RUNX2: variants seen among roughly 807,000 people sequenced by gnomAD.
RUNX2 encodes runt-related transcription factor 2.
In RUNX2, 10 loss-of-function variants were observed where a neutral mutation model predicts 51.7. The ratio of observed to expected loss-of-function variants is 0.19; its 90% confidence interval spans 0.12 to 0.33. RUNX2 has a LOEUF of 0.33. Among genes scored for constraint, RUNX2 ranks in the 10% least tolerant of loss-of-function variants. RUNX2 has a pLI of 1.00. For synonymous variants in RUNX2, 276 were observed against 273.6 expected, an observed-to-expected ratio of 1.01 and a Z score of -0.09; for missense variants, 562 against 691.3, an observed-to-expected ratio of 0.81 and a Z score of 2.10.
chr6:45,431,901 T>C lies in RUNX2; in HGVS notation c.462T>C (p.Val154=). Reference sequence around the variant, plus strand: ...GAGAGGTACCAGATGGGACTGTGGTTACTGTCATGGCGGGTAACGATGAAA... The same window carrying C: ...GAGAGGTACCAGATGGGACTGTGGTCACTGTCATGGCGGGTAACGATGAAA... The part of the protein sequence containing the change: ...ALGEVPDGTV[V]TVMAGNDENY... Residue 154 remains valine, a synonymous_variant, in exon 4 of 9, where the codon GTT becomes GTC. Coordinates refer to ENST00000647337, the MANE Select transcript of RUNX2 (RefSeq NM_001024630.4). The C allele has an allele frequency of 6.2e-7, 1 of 1,614,184 alleles. No individual in the cohort carries two copies. Among genetic ancestry groups the C allele is most frequent in the Non-Finnish European group, 8.5e-7 (1 of 1,180,010 alleles).
intron 6 of RUNX2, among the ~76,000 whole-genome samples, chr6:45,507,102 C>T (rs1369288254): frequency 6.6e-6 from 1 of 151,868 alleles, no homozygotes; most frequent in African/African-American, 2.4e-5. Context: ...ACCTTAAGGC[C>T]ATGATTAAAA....
intron 5 of RUNX2, among the ~76,000 whole-genome samples, chr6:45,468,132 C>G (rs1329850928): frequency 2.0e-5 from 3 of 152,208 alleles, no homozygotes; most frequent in African/African-American, 7.2e-5. Flanking sequence ...CAACTGCAGT[C>G]ACTTTCTTAC....
intron 6 of RUNX2, among the ~76,000 whole-genome samples, chr6:45,498,583 G>A (rs564348059): frequency 6.6e-6 from 1 of 152,290 alleles, no homozygotes; most frequent in South Asian, 2.1e-4. Flanking sequence ...TTAAATTCCA[G>A]TTATATAAGG....
Position 45,548,903 on chromosome 6 carries a change from G to A in RUNX2, c.*1598G>A. The A allele has an allele frequency of 2.7e-6, 1 of 374,762 alleles. No homozygotes were observed. The highest frequency in any genetic ancestry group is 3.8e-5 in the East Asian group (1 of 26,062). The allele number at this position is 374,762 out of a possible 1,614,324, so 23.2% of individuals were successfully genotyped here. A position where few individuals can be genotyped will look rare whatever the true frequency, so the allele number is the denominator to read the frequency against. ...TTTAGAGGAGCAGAATGACATCACT[G>A]TCCTTTGGGAGTAGGTCCTCTGAAA... On this transcript the variant is annotated 3_prime_UTR_variant, in exon 9 of 9. Transcript: ENST00000647337.
intron 3 of RUNX2, 23 bp downstream of exon 3, chr6:45,422,980 G>A: frequency 6.2e-7 from 1 of 1,603,222 alleles, no homozygotes; most frequent in Non-Finnish European, 8.5e-7. Flanking sequence ...ACCGCCCCCC[G>A]CCCCCGGCCG....
chr6:45,369,937 C>T (rs1288984889), intron 2 of RUNX2, among the ~76,000 whole-genome samples: 1 of 152,094 alleles, frequency 6.6e-6, no homozygotes, highest in Non-Finnish European at 1.5e-5. Flanking sequence ...ATCCTGTGGC[C>T]AGTGTGGCTA....
At chr6:45,402,776 G>A (rs978886812) in intron 2 of RUNX2, among the ~76,000 whole-genome samples, 3 of 152,122 alleles carry the variant, frequency 2.0e-5, no homozygotes, top group Admixed American at 2.0e-4. Context: ...GGAGGCTGAG[G>A]TAGGAGGATT....
chr6:45,383,155 C>T (rs924401146), intron 2 of RUNX2, among the ~76,000 whole-genome samples: 1 of 152,098 alleles, frequency 6.6e-6, no homozygotes, highest in Non-Finnish European at 1.5e-5. Context: ...AAGTTCTGGG[C>T]CGGGCACGGT....
intron 2 of RUNX2, among the ~76,000 whole-genome samples, chr6:45,376,570 C>T (rs1236611858): frequency 6.6e-6 from 1 of 152,230 alleles, no homozygotes; most frequent in Non-Finnish European, 1.5e-5. Flanking sequence ...AAGGCAGAAA[C>T]TGCTAGTGAA....
At chr6:45,361,108 A>G (rs1474393282) in intron 2 of RUNX2, among the ~76,000 whole-genome samples, 1 of 152,214 alleles carries the variant, frequency 6.6e-6, no homozygotes, top group African/African-American at 2.4e-5. Context: ...CATCTCAAAA[A>G]TACAAAGGTA....
Position 45,418,294 on chromosome 6 carries a change from T to C in RUNX2, c.59-4299T>C, listed in dbSNP as rs1411297025. Among the ~76,000 whole-genome samples the C allele has an allele frequency of 2.0e-5, 3 of 152,240 alleles. No individual in the cohort carries two copies. In the East Asian group the frequency reaches 5.8e-4, roughly 29 times the overall value. ...AACCTGACTGCTTCACATCTCATTT[T>C]CTTTGTCTAGAAAGTCAGAATTGTC... On this transcript the variant is annotated intron_variant, in intron 2 of 8. Coordinates refer to ENST00000647337, the MANE Select transcript of RUNX2 (RefSeq NM_001024630.4).
chr6:45,398,191 G>A (rs11963804), intron 2 of RUNX2, among the ~76,000 whole-genome samples: 11,271 of 152,252 alleles, frequency 0.074, 577 homozygotes, highest in South Asian at 0.18. Context: ...TACTTAGCCT[G>A]TTTATTAGGC....
chr6:45,388,866 A>T (rs1012115799), intron 2 of RUNX2, among the ~76,000 whole-genome samples: 2 of 152,212 alleles, frequency 1.3e-5, no homozygotes, highest in South Asian at 2.1e-4. Flanking sequence ...TTTTACATTT[A>T]TAATAGAGAA....
chr6:45,340,470 C>T (rs1271413864), intron 2 of RUNX2, among the ~76,000 whole-genome samples: 2 of 151,882 alleles, frequency 1.3e-5, no homozygotes, highest in Admixed American at 6.6e-5. Flanking sequence ...ACTACAGGCA[C>T]GCACCACCAC....
intron 7 of RUNX2, among the ~76,000 whole-genome samples, chr6:45,544,096 C>T (rs1322436691): frequency 6.6e-6 from 1 of 151,708 alleles, no homozygotes; most frequent in Admixed American, 6.6e-5. Flanking sequence ...AAAAATCATC[C>T]TATAATCCCT....
chr6:45,355,139 T>TG (rs964073099), intron 2 of RUNX2, among the ~76,000 whole-genome samples: 18 of 127,552 alleles, frequency 1.4e-4, no homozygotes, highest in Non-Finnish European at 2.8e-4. Flanking sequence ...AAGACCTGGC[T>TG]TTTTTTTTTT....
intron 2 of RUNX2, among the ~76,000 whole-genome samples, chr6:45,389,962 A>C (rs2396502): frequency 0.62 from 94,462 of 151,546 alleles, 30,017 homozygotes; most frequent in African/African-American, 0.73. Flanking sequence ...GCCGAGATTG[A>C]ACCAGTGCCC....
rs202024130 is a variant in RUNX2, at chr6:45,353,907, T to TA, written c.58+25125dup. Reference sequence around the variant, plus strand: ...GTGCCTTTAGTATATCAAAGGTCCTTAATAGGAAAAAAAAATACAGTAGAA... The same window carrying TA: ...GTGCCTTTAGTATATCAAAGGTCCTTAAATAGGAAAAAAAAATACAGTAGAA... On this transcript the variant is annotated intron_variant, in intron 2 of 8. Transcript: ENST00000647337. Among the ~76,000 whole-genome samples, 200 of 150,464 alleles carry TA rather than the reference T, an allele frequency of 1.3e-3. 4 individuals carry two copies. In the East Asian group the frequency reaches 0.037, roughly 28 times the overall value.
At chr6:45,472,716 T>C (rs1251316297) in intron 5 of RUNX2, among the ~76,000 whole-genome samples, 2 of 152,202 alleles carry the variant, frequency 1.3e-5, no homozygotes, top group African/African-American at 4.8e-5. Context: ...CTCTCTCTTT[T>C]AAAGAGTATT....
Sources: gnomAD v4.1 joint callset for allele counts (sites outside exome capture counted in the v4.1 genomes callset) on GRCh38, gnomAD v4.1.1 for gene constraint, MANE v1.5 for transcripts, NCBI Gene and HGNC (gene_info 2026-07-23, HGNC 2026-07-21) for gene names.